CAST: variants seen among roughly 807,000 people sequenced by gnomAD.
CAST encodes calpastatin, also known as MIR583 host.
A neutral mutation model predicts 119.6 loss-of-function variants in CAST; 76 were observed. The observed-to-expected ratio is 0.64, with a 90% CI of 0.53 to 0.77. The LOEUF is 0.77. Ranked by LOEUF, CAST falls within the 30% of genes least tolerant of loss-of-function variation. CAST has a pLI of 0.00. For synonymous variants in CAST, 319 were observed against 331.6 expected (o/e 0.96, Z 0.41); for missense variants, 953 against 946.5 (o/e 1.01, Z -0.09).
chr5:96,162,650 C>T, the CAST span, among the ~76,000 whole-genome samples: 2 of 152,122 alleles, frequency 1.3e-5, no homozygotes, highest in Admixed American at 6.6e-5. Context: ...ACTCCTGACC[C>T]GAGGTAATCC....
the CAST span, among the ~76,000 whole-genome samples, chr5:96,514,750 TTTG>T: frequency 6.6e-6 from 1 of 152,248 alleles, no homozygotes; most frequent in Middle Eastern, 3.4e-3. Flanking sequence ...TGTTTGTTTG[TTTG>T]TTTTTTGTTT....
At chr5:96,398,318 C>T in the CAST span, among the ~76,000 whole-genome samples, 1 of 152,194 alleles carries the variant, frequency 6.6e-6, no homozygotes, top group South Asian at 2.1e-4. Flanking sequence ...ACTGCTCCTC[C>T]TGGTTAGATT....
chr5:95,975,067 G>A, the CAST span, among the ~76,000 whole-genome samples: 1 of 152,134 alleles, frequency 6.6e-6, no homozygotes, highest in African/African-American at 2.4e-5. Context: ...ATGGGCAGAA[G>A]GGGAGCCTAT....
the CAST span, among the ~76,000 whole-genome samples, chr5:96,108,240 T>C: frequency 0.031 from 4,767 of 152,320 alleles, 171 homozygotes; most frequent in African/African-American, 0.1. Flanking sequence ...AGTCATTCTC[T>C]GTCCAGCTTT....
the CAST span, among the ~76,000 whole-genome samples, chr5:96,224,549 A>T: frequency 6.6e-6 from 1 of 152,172 alleles, no homozygotes; most frequent in African/African-American, 2.4e-5. Flanking sequence ...GGTGGCAGAG[A>T]TGGGACTGAT....
the CAST span, among the ~76,000 whole-genome samples, chr5:96,440,540 A>T: frequency 6.6e-6 from 1 of 151,592 alleles, no homozygotes; most frequent in Non-Finnish European, 1.5e-5. Context: ...TTCTAAGCCC[A>T]TGGACTTGGG....
the CAST span, among the ~76,000 whole-genome samples, chr5:95,992,990 T>C: frequency 6.6e-6 from 1 of 152,190 alleles, no homozygotes; most frequent in African/African-American, 2.4e-5. Flanking sequence ...AACACACTTT[T>C]TAAAAATTAA....
At chr5:96,553,891 A>G (rs1024509879) in intron 1 of CAST, among the ~76,000 whole-genome samples, 5 of 152,212 alleles carry the variant, frequency 3.3e-5, no homozygotes, top group Non-Finnish European at 7.3e-5. Flanking sequence ...ACCACTGCTC[A>G]AAGAAATAAG....
chr5:96,412,850 G>T, the CAST span: 1 of 621,638 alleles, frequency 1.6e-6, no homozygotes, highest in Non-Finnish European at 2.1e-6. Context: ...CCTTGGATGA[G>T]AGGAAGTGGC....
chr5:96,279,109 A>G, the CAST span, among the ~76,000 whole-genome samples: 2 of 152,202 alleles, frequency 1.3e-5, no homozygotes, highest in East Asian at 3.8e-4. Flanking sequence ...AAATATCTGG[A>G]AACACTTGGT....
rs371206888 is a variant in CAST at position 96,639,907 on chromosome 5, A to C, written c.61-35632A>C. Among the ~76,000 whole-genome samples, 62 of 152,266 alleles carry C rather than the reference A, an allele frequency of 4.1e-4. No individual in the cohort carries two copies. In the South Asian group the frequency reaches 0.011, roughly 28 times the overall value. ...CACTCCAGGAAGCCTGGACCTTCTA[A>C]TTGACATCCAGTTGCCTCCAATCCC... On this transcript the variant is annotated intron_variant, in intron 1 of 11. Transcript: ENST00000505143.
At chr5:96,608,520 A>G (rs1050208558) in intron 1 of CAST, among the ~76,000 whole-genome samples, 2 of 151,872 alleles carry the variant, frequency 1.3e-5, no homozygotes, top group African/African-American at 4.8e-5. Context: ...ATTAAAAAAA[A>G]GAACTTGACA....
At chr5:96,725,924 A>C (rs185920154) in intron 4 of CAST, among the ~76,000 whole-genome samples, 2 of 152,316 alleles carry the variant, frequency 1.3e-5, no homozygotes, top group Admixed American at 1.3e-4. Context: ...TTCAATCATA[A>C]GCTTTGTTTC....
the CAST span, among the ~76,000 whole-genome samples, chr5:96,160,385 C>A: frequency 6.6e-6 from 1 of 152,144 alleles, no homozygotes; most frequent in African/African-American, 2.4e-5. Context: ...TGTCTGACTT[C>A]ATTCACTTAG....
the CAST span, among the ~76,000 whole-genome samples, chr5:96,351,686 T>A: frequency 6.6e-6 from 1 of 152,054 alleles, no homozygotes; most frequent in South Asian, 2.1e-4. Flanking sequence ...AAAGGTAGTG[T>A]GGGTGTAATG....
intron 3 of CAST, among the ~76,000 whole-genome samples, chr5:96,717,951 G>A (rs1047614643): frequency 6.6e-6 from 1 of 152,198 alleles, no homozygotes; most frequent in Non-Finnish European, 1.5e-5. Flanking sequence ...GCAACTATTA[G>A]ATGGAAACTA....
At chr5:96,119,005 G>A in the CAST span, among the ~76,000 whole-genome samples, 1 of 151,984 alleles carries the variant, frequency 6.6e-6, no homozygotes, top group Non-Finnish European at 1.5e-5. Flanking sequence ...TATCTTCATT[G>A]GAAAATGTCG....
chr5:96,299,382 T>G, the CAST span, among the ~76,000 whole-genome samples: 1 of 152,176 alleles, frequency 6.6e-6, no homozygotes, highest in East Asian at 1.9e-4. Context: ...AGAAAAAGAC[T>G]GAAATATTCT....
the CAST span, among the ~76,000 whole-genome samples, chr5:96,455,492 T>C: frequency 6.6e-6 from 1 of 152,222 alleles, no homozygotes; most frequent in South Asian, 2.1e-4. Context: ...AAGAGTTTCA[T>C]TTGAAGAGTT....
Sources: allele counts gnomAD v4.1 joint callset (sites outside exome capture counted in the v4.1 genomes callset), GRCh38; gene constraint gnomAD v4.1.1; transcripts MANE v1.5; gene names NCBI Gene and HGNC (gene_info 2026-07-23, HGNC 2026-07-21).